Variants in RPAP2 observed in about 807,000 individuals in gnomAD.
RPAP2 encodes the protein RNA polymerase II associated protein 2.
Under a neutral mutation model 73.1 loss-of-function variants are expected in RPAP2, and 52 were observed. The ratio of observed to expected loss-of-function variants is 0.71; its 90% CI spans 0.57 to 0.90. RPAP2 has a LOEUF of 0.90. RPAP2 is among the 40% of genes least tolerant of loss of function. The probability of loss-of-function intolerance (pLI) is 0.00; values close to 1 mark genes in which losing one functional copy is unlikely to be tolerated. For synonymous variants in RPAP2, 225 were observed against 242.1 expected (o/e 0.93, Z 0.65); for missense variants, 598 against 701.8 (o/e 0.85, Z 1.67).
At chr1:92,310,906 A>T (rs907005116) in intron 6 of RPAP2, among the ~76,000 whole-genome samples, 2 of 152,212 alleles carry the variant, frequency 1.3e-5, no homozygotes, top group African/African-American at 4.8e-5. Context: ...AAATTGTTAA[A>T]TCCACCCAAA....
intron 8 of RPAP2, among the ~76,000 whole-genome samples, chr1:92,332,476 G>A (rs899935151): frequency 1.3e-5 from 2 of 151,912 alleles, no homozygotes; most frequent in Non-Finnish European, 2.9e-5. Context: ...ATATTGTCGT[G>A]TTTTATTATA....
In RPAP2 at chr1:92,324,151, G is replaced by A; in HGVS notation, c.1231G>A (p.Asp411Asn). The A allele has an allele frequency of 2.5e-6, 4 of 1,614,108 alleles. No individual in the cohort carries two copies. The highest frequency in any genetic ancestry group is 1.3e-5 in the African/African-American group (1 of 75,052). The change falls in exon 8 of 13, where the codon GAC becomes AAC. Residue 411 changes from aspartate to asparagine, a missense_variant. Asp to Asn is a conservative substitution (Grantham distance 23). Coordinates refer to ENST00000610020, the MANE Select transcript of RPAP2 (RefSeq NM_024813.3). ...SLVKEELDEDDIISDPDSHFP... is the reference protein window; with the variant it reads ...SLVKEELDEDNIISDPDSHFP... The stretch of plus-strand genomic sequence containing the variant: ...GGTTAAAGAAGAACTTGATGAAGAT[G>A]ACATAATCTCAGATCCAGATAGTCA...
intron 12 of RPAP2, among the ~76,000 whole-genome samples, chr1:92,385,543 G>T (rs779030740): frequency 1.1e-4 from 17 of 152,008 alleles, no homozygotes; most frequent in Middle Eastern, 3.4e-3. Flanking sequence ...AGGATAGAAG[G>T]TTTTTTTGTT....
intron 11 of RPAP2, among the ~76,000 whole-genome samples, chr1:92,370,494 A>G (rs554623461): frequency 6.6e-6 from 1 of 152,368 alleles, no homozygotes; most frequent in South Asian, 2.1e-4. Flanking sequence ...TCCATGAAGA[A>G]GAAAATAAAA....
At chr1:92,383,277 TTAAAG>T (rs1655725348) in intron 12 of RPAP2, among the ~76,000 whole-genome samples, 2 of 152,188 alleles carry the variant, frequency 1.3e-5, no homozygotes, top group Non-Finnish European at 2.9e-5. Context: ...CATATGAACT[TTAAAG>T]TAGTTTTTTC....
intron 12 of RPAP2, 94 bp downstream of exon 12, chr1:92,380,967 T>G: frequency 9.2e-7 from 1 of 1,091,826 alleles, no homozygotes; most frequent in Non-Finnish European, 1.3e-6. Flanking sequence ...AAAAACCAAG[T>G]ACAGACCTCA....
intron 6 of RPAP2, among the ~76,000 whole-genome samples, chr1:92,312,079 T>C (rs1651624854): frequency 6.6e-6 from 1 of 152,324 alleles, no homozygotes. Flanking sequence ...CATTAGATGC[T>C]GTTTGATAGC....
intron 5 of RPAP2, among the ~76,000 whole-genome samples, chr1:92,304,633 A>C (rs1279877019): frequency 2.0e-5 from 3 of 152,264 alleles, no homozygotes; most frequent in Admixed American, 6.5e-5. Context: ...CAGAATAGAG[A>C]GTCAGCAGCA....
intron 11 of RPAP2, among the ~76,000 whole-genome samples, chr1:92,380,093 C>T (rs1322409753): frequency 6.6e-6 from 1 of 151,346 alleles, no homozygotes; most frequent in Non-Finnish European, 1.5e-5. Context: ...GCCTGGCCAA[C>T]ATGGTGAAAC....
chr1:92,340,581 C>T (rs979383498), intron 10 of RPAP2, among the ~76,000 whole-genome samples: 1 of 152,114 alleles, frequency 6.6e-6, no homozygotes, highest in East Asian at 1.9e-4. Context: ...TATAGATGTC[C>T]GGCTCCACCC....
chr1:92,308,671 A>G (rs1373074099), intron 6 of RPAP2, among the ~76,000 whole-genome samples: 1 of 152,206 alleles, frequency 6.6e-6, no homozygotes, highest in African/African-American at 2.4e-5. Context: ...TTTAAAACAA[A>G]TCTTCCAGCC....
chr1:92,378,358 C>A (rs1253912478), intron 11 of RPAP2, among the ~76,000 whole-genome samples: 5 of 152,242 alleles, frequency 3.3e-5, no homozygotes, highest in African/African-American at 1.2e-4. Context: ...GTGCCCACCA[C>A]CACACCAGGC....
chr1:92,315,390 A>G (rs1207842928), intron 6 of RPAP2, among the ~76,000 whole-genome samples: 1 of 152,236 alleles, frequency 6.6e-6, no homozygotes, highest in Non-Finnish European at 1.5e-5. Flanking sequence ...ACAGATAATA[A>G]TGAAGTTTGA....
chr1:92,308,600 A>C (rs1340052910), intron 6 of RPAP2, among the ~76,000 whole-genome samples: 2 of 152,108 alleles, frequency 1.3e-5, no homozygotes, highest in African/African-American at 4.8e-5. Flanking sequence ...CATTTACCAA[A>C]TTACCTTTCC....
At chr1:92,344,594 TGA>T (rs1400933784) in intron 10 of RPAP2, among the ~76,000 whole-genome samples, 1 of 152,150 alleles carries the variant, frequency 6.6e-6, no homozygotes, top group Non-Finnish European at 1.5e-5. Flanking sequence ...TATGTATAAG[TGA>T]GAGTATTTTT....
At position 92,395,057 on chromosome 1, in the gene RPAP2, A is replaced by T. The variant is rs1656151216; in HGVS notation, c.*8046A>T. On this transcript the variant is annotated 3_prime_UTR_variant, in exon 13 of 13. Transcript: ENST00000610020. ...AAATCCCAATGAAATTATGGAGAAA[A>T]GATGGTCTTTTCAACAAATAGTGCT... The T allele has an allele frequency of 6.6e-6, 1 of 152,208 alleles. No individual in the cohort carries two copies. The highest frequency in any genetic ancestry group is 1.5e-5 in the Non-Finnish European group (1 of 68,038). 9.4% of individuals were successfully genotyped at this position (152,208 alleles called of 1,614,324 possible).
chr1:92,362,360 C>G (rs1426668743), intron 11 of RPAP2, among the ~76,000 whole-genome samples: 1 of 152,142 alleles, frequency 6.6e-6, no homozygotes, highest in Non-Finnish European at 1.5e-5. Flanking sequence ...AATTCAAATG[C>G]TTCCATTTTA....
chr1:92,377,215 C>T (rs1169298323), intron 11 of RPAP2, among the ~76,000 whole-genome samples: 1 of 152,072 alleles, frequency 6.6e-6, no homozygotes, highest in Non-Finnish European at 1.5e-5. Context: ...CCTAGCAGGG[C>T]TAGGATTAGA....
intron 12 of RPAP2, among the ~76,000 whole-genome samples, chr1:92,382,955 A>G (rs1655710141): frequency 6.6e-6 from 1 of 152,172 alleles, no homozygotes; most frequent in Non-Finnish European, 1.5e-5. Context: ...ATAAGGTGTA[A>G]GGAAGGGATC....
Sources: allele counts gnomAD v4.1 joint callset (sites outside exome capture counted in the v4.1 genomes callset), GRCh38; gene constraint gnomAD v4.1.1; transcripts MANE v1.5; gene names NCBI Gene and HGNC (gene_info 2026-07-23, HGNC 2026-07-21).